CNTN1: variants seen among roughly 807,000 people sequenced by gnomAD.
The protein encoded by CNTN1 is contactin-1.
CNTN1 carries 38 observed loss-of-function variants against 126.4 expected under a neutral mutation model. That is an observed-to-expected ratio of 0.30 (90% CI 0.23 to 0.39). CNTN1 has a LOEUF of 0.39. CNTN1 is among the 10% of genes least tolerant of loss of function. The probability of loss-of-function intolerance (pLI) is 1.00; values close to 1 mark genes in which losing one functional copy is unlikely to be tolerated. For synonymous variants in CNTN1, 413 were observed against 422.6 expected (o/e 0.98, Z 0.28); for missense variants, 1,009 against 1,248.4 (o/e 0.81, Z 2.89).
At chr12:40,766,729 G>C (rs1335135471) in intron 1 of CNTN1, among the ~76,000 whole-genome samples, 1 of 152,180 alleles carries the variant, frequency 6.6e-6, no homozygotes, top group Non-Finnish European at 1.5e-5. Context: ...GGACAGTAGA[G>C]AGATGCAATG....
chr12:40,830,960 T>TACAC (rs534288235), intron 1 of CNTN1, among the ~76,000 whole-genome samples: 2,824 of 120,896 alleles, frequency 0.023, 42 homozygotes, highest in Admixed American at 0.039. Context: ...TATATATATA[T>TACAC]ATACACACAC....
At position 40,859,989 on chromosome 12, in the gene CNTN1, G is replaced by A. The variant is rs2136640648; in HGVS notation, c.-76-48368G>A. Among the ~76,000 whole-genome samples the A allele has an allele frequency of 2.0e-5, 3 of 151,944 alleles. No homozygotes were observed. The South Asian group carries it at 6.2e-4, about 31-fold the overall frequency. On this transcript the variant is annotated intron_variant, in intron 1 of 23. Coordinates refer to ENST00000551295, the MANE Select transcript of CNTN1 (RefSeq NM_001843.4). ...TTTCCAAAACTTTTCCAACTATACT[G>A]TTTTCCTTGAAATAGAACACCCATT...
intron 1 of CNTN1, among the ~76,000 whole-genome samples, chr12:40,732,885 A>G (rs958235762): frequency 1.3e-5 from 2 of 152,122 alleles, no homozygotes. Context: ...TAATAAATGA[A>G]GCAGGCATTT....
intron 1 of CNTN1, among the ~76,000 whole-genome samples, chr12:40,735,057 A>G (rs1002667450): frequency 1.3e-5 from 2 of 152,116 alleles, no homozygotes; most frequent in Admixed American, 1.3e-4. Context: ...TTGGATAACT[A>G]TTGTGGGTTG....
At chr12:40,772,339 T>C (rs959571028) in intron 1 of CNTN1, among the ~76,000 whole-genome samples, 3 of 152,046 alleles carry the variant, frequency 2.0e-5, no homozygotes, top group Non-Finnish European at 4.4e-5. Context: ...TCATCACATA[T>C]TGTGTCTTAT....
intron 6 of CNTN1, among the ~76,000 whole-genome samples, chr12:40,925,800 T>TTATATATATATATATATATA (rs370971706): frequency 4.5e-4 from 53 of 116,530 alleles, no homozygotes; most frequent in African/African-American, 1.7e-3. Flanking sequence ...ACTATTGAAA[T>TTATATATATATATATATATA]TATATATATA....
At chr12:40,717,437 T>C (rs1026093591) in intron 1 of CNTN1, among the ~76,000 whole-genome samples, 10 of 152,222 alleles carry the variant, frequency 6.6e-5, no homozygotes, top group Admixed American at 2.6e-4. Flanking sequence ...TATTATATTC[T>C]TGATATGCAT....
intron 23 of CNTN1, among the ~76,000 whole-genome samples, chr12:41,041,779 T>C (rs563223617): frequency 2.0e-5 from 3 of 152,182 alleles, no homozygotes; most frequent in African/African-American, 4.8e-5. Flanking sequence ...TATCATTTTT[T>C]ATTGCGTCTG....
At chr12:40,762,890 C>A (rs1274644424) in intron 1 of CNTN1, among the ~76,000 whole-genome samples, 1 of 152,146 alleles carries the variant, frequency 6.6e-6, no homozygotes, top group African/African-American at 2.4e-5. Context: ...ATATTTGTCC[C>A]CTCCAAATCT....
At chr12:40,748,696 G>GTGTT (rs375425482) in intron 1 of CNTN1, among the ~76,000 whole-genome samples, 58 of 152,130 alleles carry the variant, frequency 3.8e-4, no homozygotes, top group African/African-American at 1.4e-3. Flanking sequence ...TAATGTTAAT[G>GTGTT]TGTTTGTTCC....
At chr12:41,069,382 T>C (rs755784076) in intron 23 of CNTN1, among the ~76,000 whole-genome samples, 18 of 152,210 alleles carry the variant, frequency 1.2e-4, no homozygotes, top group Non-Finnish European at 2.4e-4. Flanking sequence ...AGCATACCTA[T>C]GTTGTCATTG....
chr12:41,016,954 G>T, intron 19 of CNTN1, 38 bp downstream of exon 19: 1 of 1,533,918 alleles, frequency 6.5e-7, no homozygotes. Context: ...GAGGAGGGAG[G>T]AAAAACGTAT....
chr12:40,827,803 G>A (rs1015125627), intron 1 of CNTN1, among the ~76,000 whole-genome samples: 1 of 152,120 alleles, frequency 6.6e-6, no homozygotes, highest in Non-Finnish European at 1.5e-5. Context: ...TCTTGGTGGT[G>A]AGGTGATCAA....
At chr12:40,920,155 T>TATG (rs1945385198) in intron 4 of CNTN1, among the ~76,000 whole-genome samples, 1 of 152,182 alleles carries the variant, frequency 6.6e-6, no homozygotes, top group Non-Finnish European at 1.5e-5. Flanking sequence ...CAGTGACACT[T>TATG]ATGCTGTGAC....
At chr12:40,758,435 A>T (rs181291015) in intron 1 of CNTN1, among the ~76,000 whole-genome samples, 101 of 152,154 alleles carry the variant, frequency 6.6e-4, no homozygotes, top group African/African-American at 2.3e-3. Context: ...CGAAGTAAAA[A>T]TTACTGAGAC....
At position 40,944,002 on chromosome 12, in the gene CNTN1, G is replaced by A. The variant is rs148905523; in HGVS notation, c.1515G>A (p.Thr505=). 55 of 1,613,056 alleles carry A rather than the reference G, an allele frequency of 3.4e-5. No homozygotes were observed. In the East Asian group the frequency reaches 8.0e-4, roughly 24 times the overall value. The part of the protein sequence containing the change: ...STGTLVITDP[T]RIILAPINAD... ...ACATTTAAAAATATATAGATCCTAC[G>A]CGAATTATATTGGCCCCAATTAATG... Residue 505 remains threonine (T), a synonymous_variant, in exon 14 of 24, where the codon ACG becomes ACA. Coordinates refer to ENST00000551295, the MANE Select transcript of CNTN1 (RefSeq NM_001843.4).
rs550672041 is a variant in CNTN1 at position 41,042,165 on chromosome 12, C to T, written c.2980+12946C>T. Among the ~76,000 whole-genome samples the T allele has an allele frequency of 1.3e-3, 202 of 152,094 alleles. 1 individual carries two copies. Among genetic ancestry groups the T allele is most frequent in the African/African-American group, 4.2e-3 (176 of 41,502 alleles). On this transcript the variant is annotated intron_variant, in intron 23 of 23. Coordinates refer to ENST00000551295, the MANE Select transcript of CNTN1 (RefSeq NM_001843.4). Reference sequence around the variant, plus strand: ...AACATCTTTATTTCTGCCTTCATTTCGTTATGTACCCAGTAGTCATTCAGG... The same window carrying T: ...AACATCTTTATTTCTGCCTTCATTTTGTTATGTACCCAGTAGTCATTCAGG...
chr12:40,788,391 G>T (rs1413229133), intron 1 of CNTN1, among the ~76,000 whole-genome samples: 1 of 152,080 alleles, frequency 6.6e-6, no homozygotes, highest in African/African-American at 2.4e-5. Flanking sequence ...CCACCCTGAT[G>T]CAGTAGCCAG....
At chr12:41,064,805 C>T (rs1015592039) in intron 23 of CNTN1, among the ~76,000 whole-genome samples, 10 of 118,026 alleles carry the variant, frequency 8.5e-5, no homozygotes, top group Non-Finnish European at 1.3e-4. Flanking sequence ...AGATAGATGC[C>T]ATGAGACATA....
Sources: allele counts gnomAD v4.1 joint callset (sites outside exome capture counted in the v4.1 genomes callset), GRCh38; gene constraint gnomAD v4.1.1; transcripts MANE v1.5; gene names NCBI Gene and HGNC (gene_info 2026-07-23, HGNC 2026-07-21).